Variants in RNF169 observed in about 807,000 individuals in gnomAD.
RNF169 encodes E3 ubiquitin-protein ligase RNF169.
RNF169 carries 24 observed loss-of-function variants against 53.9 expected under a neutral mutation model. The ratio of observed to expected loss-of-function variants is 0.45; its 90% CI spans 0.32 to 0.63. The LOEUF (loss-of-function observed/expected upper bound fraction) is 0.63. RNF169 is among the 20% of genes least tolerant of loss of function. RNF169 has a pLI of 0.04. For synonymous variants in RNF169, 396 were observed against 363.5 expected, an observed-to-expected ratio of 1.09 and a Z score of -1.02; for missense variants, 883 against 906.2, an observed-to-expected ratio of 0.97 and a Z score of 0.33.
At position 74,787,106 on chromosome 11, in the gene RNF169, A is replaced by G. The variant is rs564948670; in HGVS notation, c.503-2520A>G. 3.3e-5 allele frequency among the ~76,000 whole-genome samples: 5 copies of G among 152,208 alleles called. No individual in the cohort carries two copies. The South Asian group carries it at 1.0e-3, about 32-fold the overall frequency. ...ATCTGAGAAGAATCTTATGCATTCT[A>G]CCAGAAGAAAATATGATGGAATTTG... is the stretch of plus-strand genomic sequence containing the variant. On this transcript the variant is annotated intron_variant, in intron 1 of 5. Coordinates refer to ENST00000299563, the MANE Select transcript of RNF169 (RefSeq NM_001098638.2).
intron 2 of RNF169, among the ~76,000 whole-genome samples, chr11:74,809,562 T>C (rs1310394228): frequency 6.6e-6 from 1 of 152,236 alleles, no homozygotes; most frequent in Non-Finnish European, 1.5e-5. Context: ...GGCTCATGCC[T>C]GTAATCCAGC....
chr11:74,818,302 A>G (rs1369586686), intron 4 of RNF169, among the ~76,000 whole-genome samples: 1 of 152,180 alleles, frequency 6.6e-6, no homozygotes, highest in Non-Finnish European at 1.5e-5. Context: ...GAAATGGAGG[A>G]AAGAAGGAGG....
chr11:74,793,801 A>G lies in RNF169; in HGVS notation c.576+4102A>G, dbSNP rs148321656. On this transcript the variant is annotated intron_variant, in intron 2 of 5. Coordinates refer to ENST00000299563, the MANE Select transcript of RNF169 (RefSeq NM_001098638.2). The stretch of plus-strand genomic sequence containing the variant: ...TTGTAGTTAGTTGTCTTTTTTTAAC[A>G]TAAGAAAAATAACGCAAAAATGATT... Among the ~76,000 whole-genome samples, 31 of 152,260 alleles carry G rather than the reference A, an allele frequency of 2.0e-4. No individual in the cohort carries two copies. In the East Asian group the frequency reaches 5.8e-3, roughly 28 times the overall value.
chr11:74,821,060 C>T (rs2036003274), intron 4 of RNF169, among the ~76,000 whole-genome samples: 2 of 152,152 alleles, frequency 1.3e-5, no homozygotes, highest in Non-Finnish European at 1.5e-5. Flanking sequence ...GAATTGGAAC[C>T]CAGTTCTCTT....
chr11:74,803,006 C>T (rs967443727), intron 2 of RNF169, among the ~76,000 whole-genome samples: 2 of 152,060 alleles, frequency 1.3e-5, no homozygotes, highest in African/African-American at 2.4e-5. Context: ...CCGCAAGCTC[C>T]GCCTCCCGGG....
At chr11:74,763,416 A>G (rs79845170) in intron 1 of RNF169, among the ~76,000 whole-genome samples, 2,999 of 152,284 alleles carry the variant, frequency 0.02, 118 homozygotes, top group African/African-American at 0.069. Flanking sequence ...GAGAGTGACA[A>G]TTTGAGAGAG....
intron 1 of RNF169, among the ~76,000 whole-genome samples, chr11:74,774,200 G>A (rs2035298383): frequency 6.6e-6 from 1 of 152,010 alleles, no homozygotes; most frequent in South Asian, 2.1e-4. Context: ...ACACAAATTA[G>A]CCAGGCATGG....
intron 2 of RNF169, among the ~76,000 whole-genome samples, chr11:74,802,977 T>C (rs138302629): frequency 0.026 from 3,879 of 151,392 alleles, 172 homozygotes; most frequent in African/African-American, 0.088. Flanking sequence ...CTGGAGTGCA[T>C]TGGGGCAATC....
intron 1 of RNF169, among the ~76,000 whole-genome samples, chr11:74,783,027 C>T (rs1387003724): frequency 6.6e-6 from 1 of 151,332 alleles, no homozygotes; most frequent in Non-Finnish European, 1.5e-5. Flanking sequence ...CTGCTGCACT[C>T]ATAGAAAATG....
chr11:74,788,310 C>CAT (rs2035533666), intron 1 of RNF169, among the ~76,000 whole-genome samples: 1 of 151,936 alleles, frequency 6.6e-6, no homozygotes, highest in Non-Finnish European at 1.5e-5. Context: ...TAAACACACA[C>CAT]ACACACACAC....
chr11:74,801,038 ATAT>A (rs1381619030), intron 2 of RNF169, among the ~76,000 whole-genome samples: 1 of 152,246 alleles, frequency 6.6e-6, no homozygotes, highest in African/African-American at 2.4e-5. Context: ...AATTGGTAAA[ATAT>A]TATTTTTGCA....
intron 3 of RNF169, among the ~76,000 whole-genome samples, chr11:74,815,266 G>C (rs2135124382): frequency 6.6e-6 from 1 of 152,262 alleles, no homozygotes; most frequent in Admixed American, 6.5e-5. Flanking sequence ...TAATTGAAAG[G>C]AACTTGGCGC....
At chr11:74,766,287 C>T (rs925463904) in intron 1 of RNF169, among the ~76,000 whole-genome samples, 1 of 152,112 alleles carries the variant, frequency 6.6e-6, no homozygotes, top group Non-Finnish European at 1.5e-5. Context: ...GAGCAAAATG[C>T]AGAATATGGG....
intron 1 of RNF169, among the ~76,000 whole-genome samples, chr11:74,753,476 T>C (rs1315523904): frequency 6.6e-6 from 1 of 152,234 alleles, no homozygotes; most frequent in Admixed American, 6.5e-5. Flanking sequence ...TGTGCTTTTA[T>C]GAGTGGAAAC....
chr11:74,798,869 G>A (rs975140387), intron 2 of RNF169, among the ~76,000 whole-genome samples: 2 of 152,016 alleles, frequency 1.3e-5, no homozygotes, highest in African/African-American at 4.8e-5. Context: ...CCTGATAGTA[G>A]TGAGACCTCG....
intron 2 of RNF169, among the ~76,000 whole-genome samples, chr11:74,793,736 T>A (rs2035610346): frequency 1.3e-5 from 2 of 152,312 alleles, no homozygotes; most frequent in Admixed American, 1.3e-4. Flanking sequence ...AATAAGCTTA[T>A]ATTTCTAAAT....
intron 1 of RNF169, among the ~76,000 whole-genome samples, chr11:74,763,813 C>T (rs1214257728): frequency 6.6e-6 from 1 of 152,114 alleles, no homozygotes; most frequent in Non-Finnish European, 1.5e-5. Context: ...GTCCTGAATC[C>T]TTAGGTTCGA....
intron 4 of RNF169, chr11:74,831,694 G>GAAAAAAAA (rs535498465): frequency 9.4e-6 from 1 of 106,642 alleles, no homozygotes; most frequent in Non-Finnish European, 2.1e-5. Flanking sequence ...AAACAATCTT[G>GAAAAAAAA]AAAAAAAAAA....
intron 4 of RNF169, among the ~76,000 whole-genome samples, chr11:74,833,484 C>G (rs2036208874): frequency 6.6e-6 from 1 of 152,174 alleles, no homozygotes; most frequent in Non-Finnish European, 1.5e-5. Context: ...CTTTTCCAAC[C>G]CAGATCTCAC....
Sources: allele counts gnomAD v4.1 joint callset (sites outside exome capture counted in the v4.1 genomes callset), GRCh38; gene constraint gnomAD v4.1.1; transcripts MANE v1.5; gene names NCBI Gene and HGNC (gene_info 2026-07-23, HGNC 2026-07-21).